MT3: variants seen among roughly 807,000 people sequenced by gnomAD.
The protein encoded by MT3 is metallothionein-3.
In MT3, 8 loss-of-function variants were observed where a neutral mutation model predicts 10.9. The observed-to-expected ratio is 0.73, with a 90% CI of 0.43 to 1.33. The LOEUF is 1.33. MT3 is among the 40% of genes most tolerant of loss of function. The pLI is 0.01. For missense variants in MT3, 75 were observed against 83.9 expected (o/e 0.89, Z 0.41); for synonymous variants, 32 against 29.9 (o/e 1.07, Z -0.23).
At chr16:56,590,302 C>A in intron 2 of MT3, 1 of 594,780 alleles carries the variant, frequency 1.7e-6, no homozygotes, top group Non-Finnish European at 3.0e-6. Context: ...GGCCTCTCTC[C>A]GGCCTTACGG....
In MT3 at chr16:56,589,888, C is replaced by T. The variant is rs779568909; in HGVS notation, c.50C>T (p.Ala17Val). Residue 17 changes from alanine to valine, a missense_variant, in exon 2 of 3, where the codon GCG (alanine) becomes GTG (valine). Ala to Val is a moderately conservative substitution (Grantham distance 64). Transcript: ENST00000200691. ...PCPSGGSCTCADSCKCEGCKC... is the reference protein window; with the variant it reads ...PCPSGGSCTCVDSCKCEGCKC... ...TCTCTAGGTGGCTCCTGCACCTGCG[C>T]GGACTCCTGCAAGTGCGAGGGATGC... The T allele has an allele frequency of 6.2e-6, 10 of 1,614,110 alleles. No individual in the cohort carries two copies. The South Asian group carries it at 6.6e-5, about 11-fold the overall frequency.
At chr16:56,590,085 T>C in intron 2 of MT3, 150 bp downstream of exon 2, 1 of 802,816 alleles carries the variant, frequency 1.2e-6, no homozygotes, top group East Asian at 2.7e-5. Flanking sequence ...GACATTAAAA[T>C]ACAGATGCCC....
At chr16:56,590,150 A>T in intron 2 of MT3, 2 of 696,580 alleles carry the variant, frequency 2.9e-6, no homozygotes, top group Non-Finnish European at 5.2e-6. Flanking sequence ...GTTTTTGTAA[A>T]TCCCCAGAAG....
intron 2 of MT3, chr16:56,590,409 A>G (rs1340267429): frequency 4.1e-6 from 2 of 489,908 alleles, no homozygotes; most frequent in South Asian, 2.7e-5. Context: ...TTCCCTAGGT[A>G]TGAAACCAGG....
intron 1 of MT3, 83 bp from the exon 2 acceptor site, chr16:56,589,787 A>G (rs1256924074): frequency 1.9e-6 from 3 of 1,583,380 alleles, no homozygotes; most frequent in Non-Finnish European, 1.7e-6. Context: ...GAACAGGGAG[A>G]CTTGGCACCC....
intron 2 of MT3, chr16:56,590,586 C>T: frequency 1.9e-6 from 1 of 539,318 alleles, no homozygotes; most frequent in Non-Finnish European, 3.4e-6. Context: ...CCCACCAGCC[C>T]CCAGGACTTC....
At chr16:56,590,751 T>TC in intron 2 of MT3, 89 bp from the exon 3 acceptor site, 1 of 1,319,188 alleles carries the variant, frequency 7.6e-7, no homozygotes, top group Non-Finnish European at 1.1e-6. Flanking sequence ...CCAGGATGAC[T>TC]CCCCACCCAG....
Position 56,590,846 on chromosome 16 carries a change from G to T in MT3, c.104G>T (p.Cys35Phe), listed in dbSNP as rs757824995. ...CKCTSCKKSC[C>F]SCCPAECEKC... ...TCTTCCATTTTATCTGCAGGCTGCT[G>T]CTCCTGCTGCCCTGCGGAGTGTGAG... Residue 35 changes from cysteine (C) to phenylalanine (F), a missense_variant, in exon 3 of 3, where the codon TGC becomes TTC. Coordinates refer to ENST00000200691, the MANE Select transcript of MT3 (RefSeq NM_005954.4). 32 of 1,613,618 alleles carry T rather than the reference G, an allele frequency of 2.0e-5. No individual in the cohort carries two copies. The East Asian group carries it at 6.2e-4, about 31-fold the overall frequency.
rs750257158 is a variant in MT3, at chr16:56,589,936, G to T, written c.97+1G>T. 7.4e-6 allele frequency: 12 copies of T among 1,614,054 alleles called. No individual in the cohort carries two copies. In the South Asian group the frequency reaches 1.2e-4, roughly 16 times the overall value. On this transcript the variant is annotated splice_donor_variant, in intron 2 of 2. Transcript: ENST00000200691. LOFTEE classifies it high-confidence loss of function. ...TGCAAATGCACCTCCTGCAAGAAGA[G>T]TGAGTGCGGGGACCCTTCCCCTCTG... is the stretch of plus-strand genomic sequence containing the variant.
At position 56,589,570 on chromosome 16, in the gene MT3, C is replaced by G. The variant is rs1597053780; in HGVS notation, c.-21C>G. On this transcript the variant is annotated 5_prime_UTR_variant, in exon 1 of 3. Transcript: ENST00000200691. ...GCTTGGAGAAGCCCGTTCACCGCCT[C>G]CAGCTGCTGCTCTCCTCGACATGGA... The G allele has an allele frequency of 1.9e-6, 3 of 1,558,326 alleles. No individual in the cohort carries two copies. The East Asian group carries it at 6.8e-5, about 35-fold the overall frequency.
chr16:56,589,632 G>C lies in MT3; in HGVS notation c.31+11G>C. ...GCCCCTGCCCTTCTGGTGAGCCCCC[G>C]CCCCCGCTCGCATCCTGCGCACTGC... On this transcript the variant is annotated intron_variant, in intron 1 of 2. Coordinates refer to ENST00000200691, the MANE Select transcript of MT3 (RefSeq NM_005954.4). 1 of 1,605,000 alleles carries C rather than the reference G, an allele frequency of 6.2e-7. No individual in the cohort carries two copies. Among genetic ancestry groups the C allele is most frequent in the Non-Finnish European group, 8.5e-7 (1 of 1,179,560 alleles).
intron 2 of MT3, 85 bp downstream of exon 2, chr16:56,590,020 G>T: frequency 1.4e-6 from 2 of 1,435,844 alleles, no homozygotes; most frequent in Non-Finnish European, 2.0e-6. Context: ...TGGAGAGACA[G>T]CCAGGCCCCG....
chr16:56,590,000 A>G (rs760391703), intron 2 of MT3, 65 bp downstream of exon 2: 2 of 1,560,006 alleles, frequency 1.3e-6, no homozygotes, highest in East Asian at 4.5e-5. Flanking sequence ...GTGTCTCACC[A>G]CGCAGGATGT....
chr16:56,590,023 A>G, intron 2 of MT3, 88 bp downstream of exon 2: 1 of 1,423,176 alleles, frequency 7.0e-7, no homozygotes. Flanking sequence ...AGAGACAGCC[A>G]GGCCCCGATC....
intron 2 of MT3, chr16:56,590,564 G>C (rs45463601): frequency 0.34 from 174,752 of 512,922 alleles, 31,582 homozygotes; most frequent in East Asian, 0.58. Flanking sequence ...ACCCACCTAA[G>C]CTGGGCTTAA....
At position 56,590,856 on chromosome 16, in the gene MT3, C is replaced by T. The variant is rs750849515; in HGVS notation, c.114C>T (p.Cys38=). 1 of 1,613,906 alleles carries T rather than the reference C, an allele frequency of 6.2e-7. No homozygotes were observed. Among genetic ancestry groups the T allele is most frequent in the Non-Finnish European group, 8.5e-7 (1 of 1,179,934 alleles). Residue 38 remains cysteine (C), a synonymous_variant, in exon 3 of 3, where the codon TGC becomes TGT. Transcript: ENST00000200691. ...TSCKKSCCSC[C]PAECEKCAKD... ...TATCTGCAGGCTGCTGCTCCTGCTG[C>T]CCTGCGGAGTGTGAGAAGTGTGCCA...
chr16:56,590,705 TAAG>T, intron 2 of MT3, 132 bp from the exon 3 acceptor site: 1 of 798,492 alleles, frequency 1.3e-6, no homozygotes, highest in Non-Finnish European at 2.0e-6. Flanking sequence ...GGTGTGAGAC[TAAG>T]AAGGGGGCTG....
chr16:56,590,815 T>A (rs762968774), intron 2 of MT3, 25 bp from the exon 3 acceptor site: 2 of 1,605,208 alleles, frequency 1.2e-6, no homozygotes, highest in African/African-American at 1.3e-5. Flanking sequence ...CATCAGAGAG[T>A]GGTCATCTTC....
At position 56,589,613 on chromosome 16, in the gene MT3, G is replaced by A. The variant is rs199629919; in HGVS notation, c.23G>A (p.Cys8Tyr). Residue 8 changes from cysteine to tyrosine, a missense_variant, in exon 1 of 3, where the codon TGC becomes TAC. Cys to Tyr is a radical substitution (Grantham distance 194). Coordinates refer to ENST00000200691, the MANE Select transcript of MT3 (RefSeq NM_005954.4). MDPETCP[C>Y]PSGGSCTCAD... ...GACATGGACCCTGAGACCTGCCCCT[G>A]CCCTTCTGGTGAGCCCCCGCCCCCG... 681 of 1,605,200 alleles carry A rather than the reference G, an allele frequency of 4.2e-4. 1 individual carries two copies. Among genetic ancestry groups the A allele is most frequent in the Non-Finnish European group, 5.4e-4 (641 of 1,178,704 alleles).
Sources: gnomAD v4.1 joint callset for allele counts on GRCh38, gnomAD v4.1.1 for gene constraint, MANE v1.5 for transcripts, NCBI Gene and HGNC (gene_info 2026-07-23, HGNC 2026-07-21) for gene names.